The following PDZD2 variants were observed in gnomAD, a reference collection of about 807,000 sequenced individuals.
PDZD2 encodes PDZ domain containing 2, also known as PDZ domain-containing protein 2.
A neutral mutation model predicts 220.7 loss-of-function variants in PDZD2; 90 were observed. That is an observed-to-expected ratio of 0.41 (90% CI 0.34 to 0.49). PDZD2 has a LOEUF of 0.49. PDZD2 is among the 20% of genes least tolerant of loss of function. The pLI is 0.28. For synonymous variants in PDZD2, 1,375 were observed against 1,450.5 expected, an observed-to-expected ratio of 0.95 and a Z score of 1.18; for missense variants, 3,174 against 3,608.5, an observed-to-expected ratio of 0.88 and a Z score of 3.08.
rs945002135 is a variant in PDZD2, at chr5:31,995,454, A to T, written c.979-122A>T. ...ATCGGCAGAATTCTTTTCTCCTGTG[A>T]TAATCTGTGATATCTGTGGACAAGT... is the stretch of plus-strand genomic sequence containing the variant. On this transcript the variant is annotated intron_variant, in intron 3 of 24. Transcript: ENST00000438447. The T allele has an allele frequency of 5.9e-6, 6 of 1,011,906 alleles. No individual in the cohort carries two copies. In the Admixed American group the frequency reaches 9.5e-5, roughly 16 times the overall value. The allele number at this position is 1,011,906 out of a possible 1,614,324, so 62.7% of individuals were successfully genotyped here. A position where few individuals can be genotyped will look rare whatever the true frequency, so the allele number is the denominator to read the frequency against.
intron 5 of PDZD2, among the ~76,000 whole-genome samples, chr5:32,009,559 G>A (rs1581266859): frequency 6.7e-6 from 1 of 149,666 alleles, no homozygotes. Flanking sequence ...GAGACCTTGT[G>A]TCTACAAAAT....
intron 2 of PDZD2, among the ~76,000 whole-genome samples, chr5:31,826,806 C>A (rs1756254213): frequency 6.6e-6 from 1 of 152,088 alleles, no homozygotes; most frequent in African/African-American, 2.4e-5. Flanking sequence ...TTACAACATC[C>A]CTATGAGGTA....
chr5:32,050,238 G>A (rs1390097277), intron 8 of PDZD2, among the ~76,000 whole-genome samples: 1 of 152,098 alleles, frequency 6.6e-6, no homozygotes, highest in Non-Finnish European at 1.5e-5. Context: ...GCCTTGTCAG[G>A]CTGTGTGAAA....
At chr5:31,780,311 CG>C (rs35224383) in intron 1 of PDZD2, among the ~76,000 whole-genome samples, 77,140 of 151,536 alleles carry the variant, frequency 0.51, 19,747 homozygotes, top group East Asian at 0.6. Context: ...TTAAGGATGC[CG>C]GGGGGGCTTC....
intron 6 of PDZD2, among the ~76,000 whole-genome samples, chr5:32,012,128 G>A (rs899561067): frequency 1.3e-5 from 2 of 152,126 alleles, no homozygotes; most frequent in Non-Finnish European, 2.9e-5. Context: ...AGCCCAGGGG[G>A]TTCCTCATTG....
At chr5:31,928,473 T>C (rs2150388405) in intron 2 of PDZD2, among the ~76,000 whole-genome samples, 1 of 150,366 alleles carries the variant, frequency 6.7e-6, no homozygotes, top group African/African-American at 2.4e-5. Context: ...TTAGAAAAAT[T>C]ACAAAGAATT....
At chr5:31,914,421 C>A (rs1053574197) in intron 2 of PDZD2, among the ~76,000 whole-genome samples, 1 of 152,082 alleles carries the variant, frequency 6.6e-6, no homozygotes, top group South Asian at 2.1e-4. Context: ...CTCAGCTACT[C>A]GGGAGGCTGA....
At chr5:31,926,861 T>C (rs1228345910) in intron 2 of PDZD2, among the ~76,000 whole-genome samples, 1 of 152,178 alleles carries the variant, frequency 6.6e-6, no homozygotes, top group Non-Finnish European at 1.5e-5. Flanking sequence ...GTGTGATATA[T>C]ATATACACCA....
intron 2 of PDZD2, among the ~76,000 whole-genome samples, chr5:31,863,949 A>G (rs1737962582): frequency 6.6e-6 from 1 of 152,174 alleles, no homozygotes. Flanking sequence ...CGTAACTTAC[A>G]GTTGTGTATG....
chr5:31,831,911 C>CAAAAA (rs56394577), intron 2 of PDZD2, among the ~76,000 whole-genome samples: 21 of 63,728 alleles, frequency 3.3e-4, no homozygotes, highest in African/African-American at 1.3e-3. Flanking sequence ...GAGACTGTTT[C>CAAAAA]AAAAAAAAAA....
At chr5:31,698,516 G>A (rs1178772344) in intron 1 of PDZD2, among the ~76,000 whole-genome samples, 1 of 150,906 alleles carries the variant, frequency 6.6e-6, no homozygotes, top group Non-Finnish European at 1.5e-5. Flanking sequence ...GGAGAATGGC[G>A]GGAACCCAGG....
intron 7 of PDZD2, among the ~76,000 whole-genome samples, chr5:32,047,397 G>C (rs978355844): frequency 1.1e-4 from 16 of 152,174 alleles, no homozygotes; most frequent in Admixed American, 3.3e-4. Context: ...TCCACTCCTA[G>C]GTGATATCTA....
chr5:32,026,930 T>C (rs1754713053), intron 6 of PDZD2, among the ~76,000 whole-genome samples: 1 of 152,168 alleles, frequency 6.6e-6, no homozygotes, highest in African/African-American at 2.4e-5. Context: ...TGAGACAGAG[T>C]CTCGCTCTGT....
At chr5:31,990,295 G>A (rs1751107439) in intron 3 of PDZD2, among the ~76,000 whole-genome samples, 2 of 152,138 alleles carry the variant, frequency 1.3e-5, no homozygotes, top group South Asian at 4.1e-4. Context: ...AAATCCCTTC[G>A]TTGGCTTCAG....
chr5:32,003,008 A>G (rs1752384783), intron 5 of PDZD2, among the ~76,000 whole-genome samples: 2 of 128,594 alleles, frequency 1.6e-5, no homozygotes, highest in South Asian at 5.2e-4. Context: ...CAACACACAC[A>G]CCACACACCA....
rs190386419 is a variant in PDZD2 at position 32,097,823 on chromosome 5, G to T, written c.7947+443G>T. Among the ~76,000 whole-genome samples, 61 of 152,178 alleles carry T rather than the reference G, an allele frequency of 4.0e-4. No homozygotes were observed. The Middle Eastern group carries it at 0.01, about 25-fold the overall frequency. On this transcript the variant is annotated intron_variant, in intron 22 of 24. Coordinates refer to ENST00000438447, the MANE Select transcript of PDZD2 (RefSeq NM_178140.4). Reference sequence around the variant, plus strand: ...CATCTTCGTATTCCCATTGCCTCCTGGATGCCAGGCCCATGTCAGACACTA... The same window carrying T: ...CATCTTCGTATTCCCATTGCCTCCTTGATGCCAGGCCCATGTCAGACACTA...
chr5:31,762,444 C>T (rs988490031), intron 1 of PDZD2, among the ~76,000 whole-genome samples: 11 of 152,206 alleles, frequency 7.2e-5, no homozygotes, highest in Non-Finnish European at 1.5e-4. Flanking sequence ...TGAGCCACCA[C>T]GCTCGCCTAC....
rs1429240437 is a variant in PDZD2 at position 31,989,424 on chromosome 5, T to TTTTTTTTTTTTTTTTTTTATTTATTTA, written c.978+5784_978+5785insTTATTTATTTATTTTTTTTTTTTTTTT. 3.7e-5 allele frequency among the ~76,000 whole-genome samples: 5 copies of TTTTTTTTTTTTTTTTTTTATTTATTTA among 136,750 alleles called. 1 individual carries two copies. The highest frequency in any genetic ancestry group is 1.5e-4 in the African/African-American group (5 of 34,322). The allele number at this position is 136,750 out of a possible 152,430, so 89.7% of individuals were successfully genotyped here. ...GGTATATACCACATTTTCTTTTCTT[T>TTTTTTTTTTTTTTTTTTTATTTATTTA]TTTTTTTTTTTTTTTTGAGACGAAG... is the stretch of plus-strand genomic sequence containing the variant. On this transcript the variant is annotated intron_variant, in intron 3 of 24. Transcript: ENST00000438447.
chr5:31,847,374 G>A (rs753566725), intron 2 of PDZD2: 6 of 435,922 alleles, frequency 1.4e-5, no homozygotes, highest in East Asian at 9.5e-5. Flanking sequence ...GCTAAGAAAC[G>A]CTTGGTGATA....
Sources: allele counts gnomAD v4.1 joint callset (sites outside exome capture counted in the v4.1 genomes callset), GRCh38; gene constraint gnomAD v4.1.1; transcripts MANE v1.5; gene names NCBI Gene and HGNC (gene_info 2026-07-23, HGNC 2026-07-21).